Variants in CLASP2 observed in about 807,000 individuals in gnomAD.
CLASP2 encodes cytoplasmic linker associated protein 2, also known as CLIP-associating protein 2.
In CLASP2, 47 loss-of-function variants were observed where a neutral mutation model predicts 194.4. The ratio of observed to expected loss-of-function variants is 0.24; its 90% confidence interval spans 0.19 to 0.31. The LOEUF is 0.31. Among genes scored for constraint, CLASP2 ranks in the 10% least tolerant of loss-of-function variants. The probability of loss-of-function intolerance (pLI) is 1.00; values close to 1 mark genes in which losing one functional copy is unlikely to be tolerated. For missense variants in CLASP2, 1,445 were observed against 1,823.6 expected (o/e 0.79, Z 3.78); for synonymous variants, 619 against 633.5 (o/e 0.98, Z 0.34).
intron 6 of CLASP2, among the ~76,000 whole-genome samples, chr3:33,680,081 G>C (rs2089535963): frequency 6.6e-6 from 1 of 152,160 alleles, no homozygotes; most frequent in Non-Finnish European, 1.5e-5. Context: ...AAAAGTTATG[G>C]AGAAAACCTA....
At chr3:33,626,190 T>C (rs1394535085) in intron 10 of CLASP2, among the ~76,000 whole-genome samples, 1 of 152,084 alleles carries the variant, frequency 6.6e-6, no homozygotes, top group Non-Finnish European at 1.5e-5. Flanking sequence ...TTGTTCATAG[T>C]GTCATAAAAG....
chr3:33,602,469 T>C (rs566049084), intron 18 of CLASP2: 3 of 711,888 alleles, frequency 4.2e-6, no homozygotes, highest in African/African-American at 3.5e-5. Context: ...AACTTTTTAA[T>C]TTGATAGACA....
chr3:33,577,253 G>A (rs757941650), intron 23 of CLASP2: 1 of 1,597,990 alleles, frequency 6.3e-7, no homozygotes, highest in South Asian at 1.1e-5. Context: ...GATCTGGAAT[G>A]GTGTCTGGAG....
chr3:33,555,218 A>G (rs976818354), intron 29 of CLASP2, among the ~76,000 whole-genome samples: 4 of 152,204 alleles, frequency 2.6e-5, no homozygotes, highest in Non-Finnish European at 4.4e-5. Flanking sequence ...CAATTAAAAG[A>G]CATATTTATA....
At chr3:33,506,940 C>CT (rs138932642) in intron 37 of CLASP2, among the ~76,000 whole-genome samples, 47,734 of 138,902 alleles carry the variant, frequency 0.34, 8,681 homozygotes, top group Admixed American at 0.48. Flanking sequence ...TGATTAGATT[C>CT]TTTTTTTTTT....
chr3:33,548,148 C>A (rs2059439042), intron 30 of CLASP2, among the ~76,000 whole-genome samples: 2 of 151,336 alleles, frequency 1.3e-5, no homozygotes, highest in Non-Finnish European at 2.9e-5. Flanking sequence ...CTTCTTCAGT[C>A]AGTTTTGGTA....
chr3:33,543,633 T>C (rs889536939), intron 31 of CLASP2, 94 bp from the exon 32 acceptor site: 5 of 723,468 alleles, frequency 6.9e-6, no homozygotes, highest in African/African-American at 5.3e-5. Flanking sequence ...GGTTGAACCA[T>C]ATTAAAGGGC....
chr3:33,552,031 G>T (rs1163912042), intron 29 of CLASP2, among the ~76,000 whole-genome samples: 1 of 147,794 alleles, frequency 6.8e-6, no homozygotes, highest in Non-Finnish European at 1.5e-5. Context: ...CCTCCCAAAA[G>T]AACTGTCACA....
chr3:33,595,478 T>C (rs1331896896), intron 19 of CLASP2, among the ~76,000 whole-genome samples: 1 of 152,074 alleles, frequency 6.6e-6, no homozygotes, highest in Non-Finnish European at 1.5e-5. Context: ...CAAAAACCTA[T>C]CAATCCAATT....
intron 11 of CLASP2, among the ~76,000 whole-genome samples, chr3:33,620,477 G>A (rs561976088): frequency 2.6e-5 from 4 of 152,310 alleles, no homozygotes; most frequent in African/African-American, 9.6e-5. Context: ...GGTTGAGATA[G>A]AGTTAGCTCC....
At chr3:33,672,552 AG>A (rs1175606481) in intron 6 of CLASP2, among the ~76,000 whole-genome samples, 1 of 152,250 alleles carries the variant, frequency 6.6e-6, no homozygotes, top group Non-Finnish European at 1.5e-5. Context: ...CCTCCTCCAA[AG>A]GAACGCAGTT....
intron 34 of CLASP2, among the ~76,000 whole-genome samples, chr3:33,534,578 A>C (rs1233926996): frequency 2.0e-5 from 3 of 152,122 alleles, no homozygotes; most frequent in Non-Finnish European, 4.4e-5. Flanking sequence ...TAAACAAAAC[A>C]CTAAAACATT....
At chr3:33,535,741 A>G (rs1284381479) in intron 33 of CLASP2, among the ~76,000 whole-genome samples, 1 of 152,226 alleles carries the variant, frequency 6.6e-6, no homozygotes. Flanking sequence ...CAACTTGACC[A>G]GACAATATGT....
intron 34 of CLASP2, among the ~76,000 whole-genome samples, chr3:33,529,360 G>C (rs1224206327): frequency 1.3e-5 from 2 of 152,082 alleles, no homozygotes; most frequent in African/African-American, 2.4e-5. Context: ...AGCCCAAATA[G>C]CAAAGGCAAG....
chr3:33,689,281 A>T (rs1559647554), intron 3 of CLASP2, among the ~76,000 whole-genome samples: 1 of 152,090 alleles, frequency 6.6e-6, no homozygotes, highest in Non-Finnish European at 1.5e-5. Context: ...ATAGAAGTAC[A>T]AGGGATGCCC....
intron 1 of CLASP2, among the ~76,000 whole-genome samples, chr3:33,703,140 T>C (rs79117017): frequency 0.07 from 10,673 of 152,240 alleles, 466 homozygotes; most frequent in Admixed American, 0.1. Flanking sequence ...TTCTGTTCTA[T>C]GGAAGATGTC....
At chr3:33,645,898 T>C (rs1471675843) in intron 7 of CLASP2, among the ~76,000 whole-genome samples, 1 of 151,190 alleles carries the variant, frequency 6.6e-6, no homozygotes, top group Non-Finnish European at 1.5e-5. Context: ...TAGTATCATC[T>C]ACTTATATGC....
rs566880880 is a variant in CLASP2, at chr3:33,576,184, C to T, written c.2439G>A (p.Ala813=). ...VLNTGSDVEE[A]VADALKKPAR... is the part of the protein sequence containing the mutation. ...AGAAGAGTACCAAGGCATCTGCCAC[C>T]GCCTCCTCCACATCAGAACCTGTGT... is the stretch of plus-strand genomic sequence containing the variant. The change falls in exon 24 of 39, where the codon GCG becomes GCA. Residue 813 remains alanine, a synonymous_variant. Transcript: ENST00000682230. The T allele has an allele frequency of 1.9e-6, 3 of 1,613,388 alleles. No individual in the cohort carries two copies. The highest frequency in any genetic ancestry group is 2.2e-5 in the East Asian group (1 of 44,874).
chr3:33,531,574 G>A (rs971739997), intron 34 of CLASP2, among the ~76,000 whole-genome samples: 4 of 152,096 alleles, frequency 2.6e-5, no homozygotes, highest in Non-Finnish European at 5.9e-5. Flanking sequence ...TCAGGAGTTC[G>A]AGACCAGCCT....
Sources: allele counts gnomAD v4.1 joint callset (sites outside exome capture counted in the v4.1 genomes callset), GRCh38; gene constraint gnomAD v4.1.1; transcripts MANE v1.5; gene names NCBI Gene and HGNC (gene_info 2026-07-23, HGNC 2026-07-21).